The following HIVEP2 variants were observed in gnomAD, a reference collection of about 807,000 sequenced individuals.
HIVEP2 encodes transcription factor HIVEP2.
In HIVEP2, 14 loss-of-function variants were observed where a neutral mutation model predicts 180.7. The ratio of observed to expected loss-of-function variants is 0.08; its 90% CI spans 0.05 to 0.12. The LOEUF is 0.12. Among genes scored for constraint, HIVEP2 ranks in the 10% least tolerant of loss-of-function variants. The probability of loss-of-function intolerance (pLI) is 1.00; values close to 1 mark genes in which losing one functional copy is unlikely to be tolerated. For synonymous variants in HIVEP2, 1,184 were observed against 1,136.4 expected, an observed-to-expected ratio of 1.04 and a Z score of -0.84; for missense variants, 2,579 against 3,008.5, an observed-to-expected ratio of 0.86 and a Z score of 3.34.
At chr6:142,756,002 G>A (rs1180453752) in intron 9 of HIVEP2, among the ~76,000 whole-genome samples, 1 of 152,130 alleles carries the variant, frequency 6.6e-6, no homozygotes, top group Non-Finnish European at 1.5e-5. Flanking sequence ...AAATGTGGTG[G>A]ACAAACTTCC....
At chr6:142,878,391 C>T (rs2128415227) in intron 1 of HIVEP2, among the ~76,000 whole-genome samples, 1 of 152,284 alleles carries the variant, frequency 6.6e-6, no homozygotes, top group East Asian at 1.9e-4. Context: ...TTTATACATC[C>T]ATTAAGATAA....
At chr6:142,809,180 T>C (rs1053915652) in intron 2 of HIVEP2, among the ~76,000 whole-genome samples, 2 of 151,924 alleles carry the variant, frequency 1.3e-5, no homozygotes, top group South Asian at 2.1e-4. Flanking sequence ...TGGACCTACG[T>C]CAGCTTTAAC....
chr6:142,774,369 ACG>A lies in HIVEP2; in HGVS notation c.368_369del (p.Pro123LeufsTer13). On this transcript the variant is annotated frameshift_variant, in exon 5 of 10. Coordinates refer to ENST00000367603, the MANE Select transcript of HIVEP2 (RefSeq NM_006734.4). LOFTEE classifies it high-confidence loss of function. The surrounding 1 kb of genome is among the most constrained non-coding windows in gnomAD (Gnocchi z 5.1). ...GATGGCAAAGGGCCAGGGAAAAGCC[ACG>A]GAGGACCTTCGAGGCTCTGATGTGG... ...TKPHQSLEGPPWLFPGPLPSV... is the reference protein window; with the variant it reads ...TKPHQSLEGPXWLFPGPLPSV... 6.2e-7 allele frequency: 1 copy of A among 1,614,230 alleles called. No homozygotes were observed. The highest frequency in any genetic ancestry group is 8.5e-7 in the Non-Finnish European group (1 of 1,180,048).
At chr6:142,778,164 T>A (rs773061226) in intron 3 of HIVEP2, among the ~76,000 whole-genome samples, 1 of 152,248 alleles carries the variant, frequency 6.6e-6, no homozygotes, top group Non-Finnish European at 1.5e-5. Context: ...GTTTTGCTAT[T>A]GGATTTAATT....
chr6:142,819,068 A>C (rs1776952820), intron 2 of HIVEP2, among the ~76,000 whole-genome samples: 1 of 151,106 alleles, frequency 6.6e-6, no homozygotes. Flanking sequence ...GAAGGAGGGA[A>C]GGAAGGAAGG....
intron 1 of HIVEP2, among the ~76,000 whole-genome samples, chr6:142,860,345 G>A (rs141462872): frequency 1.1e-4 from 17 of 152,106 alleles, no homozygotes; most frequent in Non-Finnish European, 1.9e-4. Context: ...TACAACAGTG[G>A]TCCCCAACCT....
chr6:142,823,043 A>C (rs1441676652), intron 2 of HIVEP2, among the ~76,000 whole-genome samples: 1 of 152,198 alleles, frequency 6.6e-6, no homozygotes, highest in African/African-American at 2.4e-5. Flanking sequence ...ACAAGAGCCC[A>C]CAGGCAGTCT....
At chr6:142,903,321 TAGTA>T (rs1404685089) in intron 1 of HIVEP2, among the ~76,000 whole-genome samples, 2 of 152,244 alleles carry the variant, frequency 1.3e-5, no homozygotes, top group African/African-American at 4.8e-5. Flanking sequence ...CTATGCCAGT[TAGTA>T]AGCATAAATT....
chr6:142,782,811 C>T (rs1441070888), intron 3 of HIVEP2, among the ~76,000 whole-genome samples: 1 of 152,156 alleles, frequency 6.6e-6, no homozygotes, highest in African/African-American at 2.4e-5. Flanking sequence ...TAGAGTTTGC[C>T]TATTTAGTCA....
rs1775573925 is a variant in HIVEP2 at position 142,772,468 on chromosome 6, G to A, written c.2271C>T (p.Arg757=). The A allele has an allele frequency of 6.2e-7, 1 of 1,614,068 alleles. No individual in the cohort carries two copies. Among genetic ancestry groups the A allele is most frequent in the African/African-American group, 1.3e-5 (1 of 74,936 alleles). Residue 757 remains arginine (R), a synonymous_variant, in exon 5 of 10, where the codon CGC becomes CGT. Coordinates refer to ENST00000367603, the MANE Select transcript of HIVEP2 (RefSeq NM_006734.4). This position sits in a 1 kb window ranked among gnomAD's most constrained non-coding sequence, Gnocchi z 4.9. ...GCAGTTGGGGCCGACATGGGTCAAA[G>A]CGTTCCGTGTGACCATGAGAAAGGT... is the stretch of plus-strand genomic sequence containing the variant. ...HENLSHGHTE[R]FDPCRPQLQP... is the part of the protein sequence containing the mutation.
Position 142,762,527 on chromosome 6 carries a change from A to G in HIVEP2, c.5519-962T>C, listed in dbSNP as rs376654623. Among the ~76,000 whole-genome samples, 5 of 152,184 alleles carry G rather than the reference A, an allele frequency of 3.3e-5. No homozygotes were observed. In the South Asian group the frequency reaches 6.2e-4, roughly 19 times the overall value. ...AAATTATATGCCATATAACTTATCA[A>G]AAGAGATTCAGGAACTAATTCAGTT... On this transcript the variant is annotated intron_variant, in intron 7 of 9. Coordinates refer to ENST00000367603, the MANE Select transcript of HIVEP2 (RefSeq NM_006734.4).
intron 2 of HIVEP2, among the ~76,000 whole-genome samples, chr6:142,793,677 C>CTTTCTTTCTT (rs1554279295): frequency 9.6e-5 from 12 of 125,034 alleles, no homozygotes; most frequent in East Asian, 5.4e-4. Flanking sequence ...CTTTCTTTCT[C>CTTTCTTTCTT]TCTCTCTCTC....
chr6:142,798,295 A>G (rs575608286), intron 2 of HIVEP2, among the ~76,000 whole-genome samples: 16 of 152,194 alleles, frequency 1.1e-4, no homozygotes, highest in African/African-American at 3.6e-4. Flanking sequence ...AAAAGAAAAG[A>G]AAAGAAACCG....
intron 1 of HIVEP2, among the ~76,000 whole-genome samples, chr6:142,860,126 T>C (rs1307212743): frequency 6.6e-6 from 1 of 151,976 alleles, no homozygotes; most frequent in Non-Finnish European, 1.5e-5. Flanking sequence ...TTCTGAACTG[T>C]AAAAAAGATA....
rs1462551271 is a variant in HIVEP2 at position 142,769,845 on chromosome 6, A to T, written c.4894T>A (p.Phe1632Ile). The T allele has an allele frequency of 6.2e-7, 1 of 1,614,168 alleles. No homozygotes were observed. Among genetic ancestry groups the T allele is most frequent in the African/African-American group, 1.3e-5 (1 of 75,054 alleles). The change falls in exon 5 of 10, where the codon TTC (phenylalanine) becomes ATC (isoleucine). Residue 1632 changes from phenylalanine (F) to isoleucine (I), a missense_variant. Coordinates refer to ENST00000367603, the MANE Select transcript of HIVEP2 (RefSeq NM_006734.4). Reference protein sequence around the residue: ...STLLLTDMADFQQILQFPSLR... With the variant: ...STLLLTDMADIQQILQFPSLR... ...CTGGGGAACTGAAGAATCTGCTGGA[A>T]ATCTGCCATGTCCGTGAGAAGAAGA...
intron 1 of HIVEP2, among the ~76,000 whole-genome samples, chr6:142,924,056 A>AT (rs1431766790): frequency 6.6e-6 from 1 of 152,246 alleles, no homozygotes; most frequent in Non-Finnish European, 1.5e-5. Flanking sequence ...TTTTTAAAAA[A>AT]TGACTCTCAT....
intron 2 of HIVEP2, among the ~76,000 whole-genome samples, chr6:142,789,023 C>T (rs1189809716): frequency 6.6e-6 from 1 of 151,962 alleles, no homozygotes; most frequent in Non-Finnish European, 1.5e-5. Flanking sequence ...TCTACCATTC[C>T]GGTTTCTCTA....
intron 1 of HIVEP2, among the ~76,000 whole-genome samples, chr6:142,861,726 A>AGTT (rs1189997110): frequency 2.6e-5 from 4 of 152,150 alleles, no homozygotes; most frequent in African/African-American, 9.7e-5. Context: ...CTAAGTTCAA[A>AGTT]GTTGTCAGTC....
intron 1 of HIVEP2, among the ~76,000 whole-genome samples, chr6:142,858,758 AT>A (rs375222001): frequency 2.0e-5 from 3 of 151,546 alleles, no homozygotes; most frequent in Non-Finnish European, 4.4e-5. Flanking sequence ...CGCCTGGCTG[AT>A]TTTTTTGTAT....
Sources: gnomAD v4.1 joint callset for allele counts (sites outside exome capture counted in the v4.1 genomes callset) on GRCh38, gnomAD v4.1.1 for gene constraint, Gnocchi (gnomAD v3.1) non-coding constraint, MANE v1.5 for transcripts, NCBI Gene and HGNC (gene_info 2026-07-23, HGNC 2026-07-21) for gene names.